MGST2: variants seen among roughly 807,000 people sequenced by gnomAD.
MGST2 encodes microsomal glutathione S-transferase 2.
Under a neutral mutation model 16.6 loss-of-function variants are expected in MGST2, and 9 were observed. The observed-to-expected ratio is 0.54, with a 90% CI of 0.33 to 0.95. The LOEUF (loss-of-function observed/expected upper bound fraction) is 0.95, where lower values mean the gene tolerates loss of function less well. MGST2 is among the 40% of genes least tolerant of loss of function. The probability of loss-of-function intolerance (pLI) is 0.03; values close to 1 mark genes in which losing one functional copy is unlikely to be tolerated. For missense variants in MGST2, 159 were observed against 175.1 expected, an observed-to-expected ratio of 0.91 and a Z score of 0.52; for synonymous variants, 79 against 68.0, an observed-to-expected ratio of 1.16 and a Z score of -0.79.
chr4:139,726,086 T>C (rs1728463352), intron 5 of MGST2, among the ~76,000 whole-genome samples: 1 of 152,218 alleles, frequency 6.6e-6, no homozygotes, highest in Admixed American at 6.5e-5. Flanking sequence ...CTCGTGCCCC[T>C]TCCAGTCATC....
At chr4:139,750,370 G>A in the MGST2 span, among the ~76,000 whole-genome samples, 16 of 152,204 alleles carry the variant, frequency 1.1e-4, no homozygotes, top group Non-Finnish European at 1.5e-4. Context: ...CCTCCTAGGC[G>A]GTGGGTCGTG....
At chr4:139,672,539 G>C (rs1354035061) in intron 1 of MGST2, among the ~76,000 whole-genome samples, 1 of 151,534 alleles carries the variant, frequency 6.6e-6, no homozygotes, top group African/African-American at 2.4e-5. Flanking sequence ...TCAGGCTGCA[G>C]TATGAATGAG....
At chr4:139,710,297 G>C (rs550279707) in intron 5 of MGST2, among the ~76,000 whole-genome samples, 20 of 152,286 alleles carry the variant, frequency 1.3e-4, no homozygotes, top group African/African-American at 4.3e-4. Context: ...GATGTCTAGT[G>C]ACTTTCTAGA....
intron 1 of MGST2, among the ~76,000 whole-genome samples, chr4:139,669,000 G>T (rs968153693): frequency 2.0e-5 from 3 of 152,108 alleles, no homozygotes; most frequent in Non-Finnish European, 4.4e-5. Context: ...TTTGACAAAG[G>T]CCTGTGAAAT....
chr4:139,699,446 A>G (rs1019650009), intron 3 of MGST2, among the ~76,000 whole-genome samples: 4 of 152,326 alleles, frequency 2.6e-5, no homozygotes, highest in Admixed American at 2.6e-4. Flanking sequence ...TAAATGATAA[A>G]ATAGACCAGT....
chr4:139,710,533 C>T (rs1217795653), intron 5 of MGST2, among the ~76,000 whole-genome samples: 10 of 152,132 alleles, frequency 6.6e-5, no homozygotes, highest in Non-Finnish European at 1.2e-4. Context: ...GTGTCAGCGT[C>T]CCCCTGTGCC....
At chr4:139,750,558 T>C in the MGST2 span, among the ~76,000 whole-genome samples, 11 of 152,190 alleles carry the variant, frequency 7.2e-5, no homozygotes, top group Non-Finnish European at 1.5e-4. Context: ...ATCTGAACCA[T>C]ATTACGCCAC....
intron 2 of MGST2, among the ~76,000 whole-genome samples, chr4:139,682,834 T>G (rs1262075987): frequency 6.9e-6 from 1 of 145,850 alleles, no homozygotes; most frequent in African/African-American, 2.6e-5. Flanking sequence ...CATTGAAGGG[T>G]GAGTAGAGCA....
In MGST2 at chr4:139,704,013, C is replaced by T. The variant is rs1354938874; in HGVS notation, c.312-3C>T. 5.0e-6 allele frequency: 8 copies of T among 1,614,084 alleles called. No individual in the cohort carries two copies. The South Asian group carries it at 5.5e-5, about 11-fold the overall frequency. Reference sequence around the variant, plus strand: ...ACTTTTCTCCCTCATGTCCACTCTGCAGGATCACCGGTTTCCGACTGAGTC... The same window carrying T: ...ACTTTTCTCCCTCATGTCCACTCTGTAGGATCACCGGTTTCCGACTGAGTC... On this transcript the variant is annotated splice_region_variant and splice_polypyrimidine_tract_variant and intron_variant, in intron 4 of 4. Coordinates refer to ENST00000265498, the MANE Select transcript of MGST2 (RefSeq NM_002413.5).
intron 1 of MGST2, among the ~76,000 whole-genome samples, chr4:139,672,130 T>C (rs1730725409): frequency 6.6e-6 from 1 of 152,148 alleles, no homozygotes. Flanking sequence ...TCCTCACACT[T>C]GCTAGTGTCA....
rs1729135555 is a variant in MGST2 at position 139,740,666 on chromosome 4, T to C, written c.*503T>C. 3.3e-5 allele frequency: 5 copies of C among 152,314 alleles called. No homozygotes were observed. In the South Asian group the frequency reaches 1.0e-3, roughly 32 times the overall value. The allele number at this position is 152,314 out of a possible 1,614,324, so 9.4% of individuals were successfully genotyped here. A position where few individuals can be genotyped will look rare whatever the true frequency, so the allele number is the denominator to read the frequency against. ...TGCATAGGCCTATCTTGTGTTATAC[T>C]GGGAGACAGGCCAATGTTTCCATTA... On this transcript the variant is annotated 3_prime_UTR_variant, in exon 6 of 6. Coordinates refer to the MGST2 transcript ENST00000616265.
intron 3 of MGST2, chr4:139,698,672 T>TA: frequency 5.7e-6 from 4 of 699,102 alleles, no homozygotes; most frequent in Non-Finnish European, 1.0e-5. Flanking sequence ...TGCTCCCACA[T>TA]AAAAGCTGCA....
At chr4:139,697,692 T>C (rs1197896856) in intron 3 of MGST2, among the ~76,000 whole-genome samples, 1 of 152,210 alleles carries the variant, frequency 6.6e-6, no homozygotes, top group Non-Finnish European at 1.5e-5. Flanking sequence ...ATTAAAAACA[T>C]GTACTTGCAT....
At position 139,671,563 on chromosome 4, in the gene MGST2, G is replaced by C. The variant is rs528281307; in HGVS notation, c.58+5486G>C. ...TCAACTGCAGCCTCTGCCTCCCAAG[G>C]TCAAGCAATTCTCCTGCCTCAGCCT... On this transcript the variant is annotated intron_variant, in intron 1 of 4. Coordinates refer to ENST00000265498, the MANE Select transcript of MGST2 (RefSeq NM_002413.5). Among the ~76,000 whole-genome samples the C allele has an allele frequency of 2.2e-4, 34 of 151,710 alleles. No individual in the cohort carries two copies. In the South Asian group the frequency reaches 7.1e-3, roughly 32 times the overall value.
At chr4:139,679,451 G>T (rs909165151) in intron 2 of MGST2, among the ~76,000 whole-genome samples, 5 of 152,208 alleles carry the variant, frequency 3.3e-5, no homozygotes, top group African/African-American at 4.8e-5. Context: ...TACTTTCTCA[G>T]ATAATTTTAA....
In MGST2 at chr4:139,732,969, C is replaced by T. The variant is rs138054720; in HGVS notation, c.*49-7243C>T. Reference sequence around the variant, plus strand: ...AAAAAGATCTTACACTAAAAAATGCCAGGAACCTTTGTGCTACCAAAAAGT... The same window carrying T: ...AAAAAGATCTTACACTAAAAAATGCTAGGAACCTTTGTGCTACCAAAAAGT... On this transcript the variant is annotated intron_variant, in intron 5 of 5. Transcript: ENST00000616265. 5.3e-3 allele frequency among the ~76,000 whole-genome samples: 809 copies of T among 152,302 alleles called. 4 individuals are homozygous for T. Among genetic ancestry groups the T allele is most frequent in the African/African-American group, 0.018 (762 of 41,552 alleles).
At chr4:139,677,797 TC>T (rs1731042345) in intron 1 of MGST2, among the ~76,000 whole-genome samples, 1 of 152,148 alleles carries the variant, frequency 6.6e-6, no homozygotes, top group Non-Finnish European at 1.5e-5. Context: ...GCCACCGTGA[TC>T]GGCACATTTT....
At chr4:139,675,535 A>G (rs1217466596) in intron 1 of MGST2, among the ~76,000 whole-genome samples, 1 of 152,256 alleles carries the variant, frequency 6.6e-6, no homozygotes, top group Non-Finnish European at 1.5e-5. Flanking sequence ...GGTAGGAGCC[A>G]TCATCCCCAA....
At chr4:139,694,742 A>G (rs2110877353) in intron 2 of MGST2, among the ~76,000 whole-genome samples, 1 of 152,310 alleles carries the variant, frequency 6.6e-6, no homozygotes, top group African/African-American at 2.4e-5. Flanking sequence ...TAAAATGGGA[A>G]TGAAATATGC....
Sources: allele counts gnomAD v4.1 joint callset (sites outside exome capture counted in the v4.1 genomes callset), GRCh38; gene constraint gnomAD v4.1.1; transcripts MANE v1.5; gene names NCBI Gene and HGNC (gene_info 2026-07-23, HGNC 2026-07-21).